The following BRD8 variants were observed in gnomAD, a reference collection of about 807,000 sequenced individuals.
BRD8 encodes the protein bromodomain-containing protein 8.
Under a neutral mutation model 143.1 loss-of-function variants are expected in BRD8, and 67 were observed. That is an observed-to-expected ratio of 0.47 (90% CI 0.38 to 0.57). BRD8 has a LOEUF of 0.57. Ranked by LOEUF, BRD8 falls within the 20% of genes least tolerant of loss-of-function variation. The pLI is 0.00. For missense variants in BRD8, 1,103 were observed against 1,503.0 expected (o/e 0.73, Z 4.40); for synonymous variants, 505 against 517.1 (o/e 0.98, Z 0.32).
intron 21 of BRD8, 147 bp from the exon 22 acceptor site, chr5:138,151,155 C>G: frequency 1.9e-6 from 2 of 1,075,868 alleles, no homozygotes; most frequent in Non-Finnish European, 2.7e-6. Flanking sequence ...TAAAATCTGC[C>G]AAAATATCTT....
At chr5:138,167,110 A>G (rs1753499271) in intron 9 of BRD8, among the ~76,000 whole-genome samples, 1 of 149,886 alleles carries the variant, frequency 6.7e-6, no homozygotes, top group Non-Finnish European at 1.5e-5. Flanking sequence ...AAAAAAAAAA[A>G]AAAAAAAAAT....
chr5:138,152,459 T>G (rs1752412656), intron 21 of BRD8, 23 bp downstream of exon 21: 1 of 1,609,868 alleles, frequency 6.2e-7, no homozygotes, highest in Non-Finnish European at 8.5e-7. Context: ...TTTCCAGCTT[T>G]GGAAATAAGA....
At position 138,168,100 on chromosome 5, in the gene BRD8, G is replaced by A. The variant is rs762415379; in HGVS notation, c.643-22C>T. 1.3e-5 allele frequency: 20 copies of A among 1,593,764 alleles called. No homozygotes were observed. In the East Asian group the frequency reaches 4.5e-4, roughly 36 times the overall value. ...TGACCTACCAGGGAAGAATAGAGGT[G>A]AAGGCTACACTCAAGCTTTCCTTCA... On this transcript the variant is annotated intron_variant, in intron 8 of 26. Coordinates refer to ENST00000254900, the MANE Select transcript of BRD8 (RefSeq NM_139199.2).
Position 138,178,243 on chromosome 5 carries a change from A to G in BRD8, c.19+353T>C, listed in dbSNP as rs529459599. On this transcript the variant is annotated intron_variant, in intron 1 of 26. Coordinates refer to ENST00000254900, the MANE Select transcript of BRD8 (RefSeq NM_139199.2). ...ACTTCCACTGCCTCACAAACGTCAG[A>G]CAAAAAAATGAATGGCTCTTTGAGG... Among the ~76,000 whole-genome samples the G allele has an allele frequency of 3.3e-5, 5 of 152,312 alleles. No individual in the cohort carries two copies. The South Asian group carries it at 1.0e-3, about 32-fold the overall frequency.
intron 20 of BRD8, among the ~76,000 whole-genome samples, chr5:138,153,673 CTTT>C (rs67848204): frequency 6.5e-5 from 7 of 107,346 alleles, no homozygotes; most frequent in Admixed American, 1.1e-4. Flanking sequence ...CTTTTCTTTT[CTTT>C]TTTTTTTTTT....
At chr5:138,146,969 C>CA (rs60597015) in intron 23 of BRD8, among the ~76,000 whole-genome samples, 904 of 47,632 alleles carry the variant, frequency 0.019, 6 homozygotes, top group East Asian at 0.055. Context: ...AACTCCGTCT[C>CA]AAAAAAAAAA....
chr5:138,165,149 T>C lies in BRD8; in HGVS notation c.1296A>G (p.Glu432=), dbSNP rs551002091. ...IIEDKVDDHP[E]VLDVAAVEAA... ...CTTCCACTGCTGCCACATCCAGCAC[T>C]TCAGGATGATCATCTACCTGTCCCA... The change falls in exon 12 of 27, where the codon GAA becomes GAG. Residue 432 remains glutamate (E), a synonymous_variant. Coordinates refer to ENST00000254900, the MANE Select transcript of BRD8 (RefSeq NM_139199.2). 3 of 1,613,958 alleles carry C rather than the reference T, an allele frequency of 1.9e-6. No homozygotes were observed. The Admixed American group carries it at 5.0e-5, about 27-fold the overall frequency.
chr5:138,141,278 C>T (rs543668776), intron 25 of BRD8, among the ~76,000 whole-genome samples: 5 of 152,228 alleles, frequency 3.3e-5, no homozygotes, highest in South Asian at 2.1e-4. Flanking sequence ...TACAGGCGTG[C>T]GCCATCATGC....
At chr5:138,161,184 G>A (rs1752970549) in intron 17 of BRD8, 116 bp from the exon 18 acceptor site, 1 of 768,466 alleles carries the variant, frequency 1.3e-6, no homozygotes, top group Non-Finnish European at 2.0e-6. Flanking sequence ...CAGCTGCCAG[G>A]ACTTAAATGC....
rs1334443301 is a variant in BRD8 at position 138,171,081 on chromosome 5, C to T, written c.316G>A (p.Glu106Lys). The T allele has an allele frequency of 3.1e-6, 5 of 1,613,974 alleles. No individual in the cohort carries two copies. In the East Asian group the frequency reaches 1.1e-4, roughly 36 times the overall value. ...TCCTTTATCACTTTCTTTAGTTCTT[C>T]AACTCGCTCAGCAGTCAATTTCCGA... Reference protein sequence around the residue: ...IVRKLTAERVEELKKVIKETQ... With the variant: ...IVRKLTAERVKELKKVIKETQ... The change falls in exon 5 of 27, where the codon GAA (glutamate) becomes AAA (lysine). Residue 106 changes from glutamate (E) to lysine (K), a missense_variant. Glu to Lys is a moderately conservative substitution (Grantham distance 56, BLOSUM62 1). This residue lies in a region of BRD8 where 334 missense variants were observed against 372.5 expected (regional missense o/e 0.90). Transcript: ENST00000254900.
At position 138,160,129 on chromosome 5, in the gene BRD8, C is replaced by T; in HGVS notation, c.2472G>A (p.Gly824=). 6.2e-7 allele frequency: 1 copy of T among 1,614,152 alleles called. No homozygotes were observed. Among genetic ancestry groups the T allele is most frequent in the Non-Finnish European group, 8.5e-7 (1 of 1,180,022 alleles). The change falls in exon 19 of 27, where the codon GGG becomes GGA. Residue 824 remains glycine, a synonymous_variant. Coordinates refer to ENST00000254900, the MANE Select transcript of BRD8 (RefSeq NM_139199.2). Reference sequence around the variant, plus strand: ...TCCCTCGAAGACTTTTAGCACTGATCCCAGACTCGGATGTTTGCATAATCA... The same window carrying T: ...TCCCTCGAAGACTTTTAGCACTGATTCCAGACTCGGATGTTTGCATAATCA... ...TQLIMQTSES[G]ISAKSLRGRD... is the part of the protein sequence containing the mutation.
intron 20 of BRD8, among the ~76,000 whole-genome samples, chr5:138,154,975 G>A (rs1452080127): frequency 2.6e-5 from 4 of 151,552 alleles, no homozygotes; most frequent in African/African-American, 7.3e-5. Flanking sequence ...GATTACAGGC[G>A]CCCACCACCA....
At position 138,171,073 on chromosome 5, in the gene BRD8, T is replaced by C. The variant is rs759153262; in HGVS notation, c.324A>G (p.Leu108=). The change falls in exon 5 of 27, where the codon CTA becomes CTG. Residue 108 remains leucine, a synonymous_variant. Transcript: ENST00000254900. ...RKLTAERVEE[L]KKVIKETQER... ...CCTGGGTTTCCTTTATCACTTTCTT[T>C]AGTTCTTCAACTCGCTCAGCAGTCA... The C allele has an allele frequency of 1.6e-5, 26 of 1,614,088 alleles. No individual in the cohort carries two copies. The highest frequency in any genetic ancestry group is 2.2e-5 in the Non-Finnish European group (26 of 1,180,018).
At chr5:138,168,558 A>G (rs1581447032) in intron 8 of BRD8, 1 of 1,610,298 alleles carries the variant, frequency 6.2e-7, no homozygotes, top group Non-Finnish European at 8.5e-7. Context: ...CTGTCCAAGC[A>G]TCTTTTTCTG....
At chr5:138,156,954 C>A in intron 20 of BRD8, 1 of 1,245,272 alleles carries the variant, frequency 8.0e-7, no homozygotes. Context: ...AAAGTCTGTA[C>A]AATTGACAAG....
rs1376390115 is a variant in BRD8, at chr5:138,152,608, C to T, written c.2730G>A (p.Glu910=). Residue 910 remains glutamate, a synonymous_variant, in exon 21 of 27, where the codon GAG becomes GAA. Coordinates refer to ENST00000254900, the MANE Select transcript of BRD8 (RefSeq NM_139199.2). ...NWRETEDPEA[E]ELEESSPERE... ...TCTCCGGGCTGCTTTCCTCTAGTTCCTCAGCCTCTGGATCCTCAGTTTCCC... is the reference window on the plus strand; with the variant it reads ...TCTCCGGGCTGCTTTCCTCTAGTTCTTCAGCCTCTGGATCCTCAGTTTCCC... The T allele has an allele frequency of 4.3e-6, 7 of 1,614,062 alleles. No homozygotes were observed. Among genetic ancestry groups the T allele is most frequent in the Non-Finnish European group, 5.9e-6 (7 of 1,180,048 alleles).
rs762024653 is a variant in BRD8, at chr5:138,160,171, T to C, written c.2430A>G (p.Gln810=). 9 of 1,613,350 alleles carry C rather than the reference T, an allele frequency of 5.6e-6. No individual in the cohort carries two copies. Among genetic ancestry groups the C allele is most frequent in the South Asian group, 4.4e-5 (4 of 91,068 alleles). Residue 810 remains glutamine (Q), a splice_region_variant and synonymous_variant, in exon 19 of 27, where the codon CAA becomes CAG. Transcript: ENST00000254900. The part of the protein sequence containing the change: ...MQRDVLEQIQ[Q]FLATQLIMQT... ...GCATAATCAACTGCGTGGCCAAGAATTGCTGTAGGGAGAAGAAACAGGGTA... is the reference window on the plus strand; with the variant it reads ...GCATAATCAACTGCGTGGCCAAGAACTGCTGTAGGGAGAAGAAACAGGGTA...
intron 20 of BRD8, among the ~76,000 whole-genome samples, chr5:138,158,449 T>C (rs1026661247): frequency 1.3e-5 from 2 of 152,166 alleles, no homozygotes; most frequent in African/African-American, 4.8e-5. Flanking sequence ...TTTTCTTTTT[T>C]TTGTTTGAGA....
chr5:138,168,529 AG>A, intron 8 of BRD8: 2 of 1,608,294 alleles, frequency 1.2e-6, no homozygotes, highest in Admixed American at 1.7e-5. Flanking sequence ...AGCAGAGGGG[AG>A]GGGGGTGGAG....
Sources: allele counts gnomAD v4.1 joint callset (sites outside exome capture counted in the v4.1 genomes callset), GRCh38; gene constraint gnomAD v4.1.1; regional missense constraint gnomAD v4.1.1; transcripts MANE v1.5; gene names NCBI Gene and HGNC (gene_info 2026-07-23, HGNC 2026-07-21).